ZFYVE9: variants seen among roughly 807,000 people sequenced by gnomAD.
ZFYVE9 encodes the protein zinc finger FYVE-type containing 9.
Under a neutral mutation model 126.7 loss-of-function variants are expected in ZFYVE9, and 43 were observed. That is an observed-to-expected ratio of 0.34 (90% CI 0.27 to 0.44). The LOEUF (loss-of-function observed/expected upper bound fraction) is 0.44. ZFYVE9 is among the 20% of genes least tolerant of loss of function. ZFYVE9 has a pLI of 1.00. For missense variants in ZFYVE9, 1,476 were observed against 1,697.0 expected, an observed-to-expected ratio of 0.87 and a Z score of 2.29; for synonymous variants, 521 against 597.4, an observed-to-expected ratio of 0.87 and a Z score of 1.87.
At chr1:52,303,434 G>A (rs1377629790) in intron 12 of ZFYVE9, among the ~76,000 whole-genome samples, 2 of 152,152 alleles carry the variant, frequency 1.3e-5, no homozygotes, top group South Asian at 2.1e-4. Context: ...TTCATTGAGT[G>A]CCTAAGATGT....
At chr1:52,186,250 A>C (rs971525694) in intron 1 of ZFYVE9, among the ~76,000 whole-genome samples, 2 of 149,474 alleles carry the variant, frequency 1.3e-5, no homozygotes, top group African/African-American at 2.4e-5. Context: ...AAAAAAAAAA[A>C]AACAAAACAA....
chr1:52,235,629 A>G (rs1052974255), intron 3 of ZFYVE9, among the ~76,000 whole-genome samples: 1 of 152,080 alleles, frequency 6.6e-6, no homozygotes, highest in Non-Finnish European at 1.5e-5. Flanking sequence ...ACAACTTTTC[A>G]CTACTTCTTT....
intron 1 of ZFYVE9, among the ~76,000 whole-genome samples, chr1:52,168,473 T>TC (rs1349865886): frequency 1.3e-5 from 2 of 151,602 alleles, no homozygotes; most frequent in African/African-American, 4.8e-5. Context: ...TGCCTTGGCC[T>TC]CCCAAAGTGC....
chr1:52,156,993 C>T (rs974729436), intron 1 of ZFYVE9, among the ~76,000 whole-genome samples: 56 of 152,036 alleles, frequency 3.7e-4, no homozygotes, highest in African/African-American at 1.2e-3. Flanking sequence ...CCACCTCGCC[C>T]GGCTAAATTT....
chr1:52,252,864 A>T, intron 4 of ZFYVE9: 1 of 223,764 alleles, frequency 4.5e-6, no homozygotes, highest in Non-Finnish European at 9.7e-6. Flanking sequence ...AGAGTGACAC[A>T]GGCACCGATG....
At chr1:52,208,627 G>A (rs146732976) in intron 1 of ZFYVE9, among the ~76,000 whole-genome samples, 4 of 151,722 alleles carry the variant, frequency 2.6e-5, no homozygotes, top group South Asian at 2.1e-4. Context: ...TCTGCCTCCC[G>A]AGTTCAGGTG....
At chr1:52,194,094 G>T (rs1051447458) in intron 1 of ZFYVE9, among the ~76,000 whole-genome samples, 1 of 152,094 alleles carries the variant, frequency 6.6e-6, no homozygotes, top group African/African-American at 2.4e-5. Context: ...GGGCGACAGA[G>T]CCAGACTCCA....
intron 1 of ZFYVE9, among the ~76,000 whole-genome samples, chr1:52,208,401 A>G (rs1644996194): frequency 6.6e-6 from 1 of 152,154 alleles, no homozygotes; most frequent in South Asian, 2.1e-4. Flanking sequence ...TCTTTCTTTA[A>G]AGGTAAAATA....
chr1:52,154,821 G>A (rs1282645710), intron 1 of ZFYVE9, among the ~76,000 whole-genome samples: 1 of 152,136 alleles, frequency 6.6e-6, no homozygotes, highest in African/African-American at 2.4e-5. Context: ...ACCCCTAAGT[G>A]TGGCTATAAT....
rs900346140 is a variant in ZFYVE9 at position 52,223,948 on chromosome 1, A to G, written c.-37+7474A>G. Among the ~76,000 whole-genome samples the G allele has an allele frequency of 2.5e-4, 38 of 152,304 alleles. 1 individual carries two copies. The highest frequency in any genetic ancestry group is 7.2e-5 in the African/African-American group (3 of 41,570). ...CTAGGATAGACATTAATTCAGCCCA[A>G]GTGTACAGTTGTGGCTCCAGAGACT... On this transcript the variant is annotated intron_variant, in intron 2 of 18. Transcript: ENST00000287727.
intron 12 of ZFYVE9, among the ~76,000 whole-genome samples, chr1:52,303,354 C>A (rs148521997): frequency 2.0e-4 from 30 of 152,280 alleles, no homozygotes; most frequent in African/African-American, 7.0e-4. Context: ...GTCCACCACT[C>A]TTGTTCATTT....
intron 2 of ZFYVE9, among the ~76,000 whole-genome samples, chr1:52,230,344 G>A (rs940139356): frequency 3.9e-5 from 6 of 152,060 alleles, no homozygotes; most frequent in African/African-American, 9.7e-5. Context: ...TCCTCCCAGT[G>A]TGCAGTGCGC....
chr1:52,188,131 G>A (rs957154652), intron 1 of ZFYVE9, among the ~76,000 whole-genome samples: 27 of 152,166 alleles, frequency 1.8e-4, no homozygotes, highest in African/African-American at 6.5e-4. Context: ...ATACTCCATG[G>A]AATACTATGG....
chr1:52,295,780 A>G lies in ZFYVE9; in HGVS notation c.3251-115A>G, dbSNP rs1461982997. On this transcript the variant is annotated intron_variant, in intron 11 of 18. Transcript: ENST00000287727. Reference sequence around the variant, plus strand: ...AAATACTTTTTGAGCCCAAAATTTGATATGTTCTAATGAGCCATTATAATT... The same window carrying G: ...AAATACTTTTTGAGCCCAAAATTTGGTATGTTCTAATGAGCCATTATAATT... 2.9e-5 allele frequency: 23 copies of G among 802,056 alleles called. No individual in the cohort carries two copies. The East Asian group carries it at 5.9e-4, about 20-fold the overall frequency. 49.7% of individuals were successfully genotyped at this position (802,056 alleles called of 1,614,324 possible). A position where few individuals can be genotyped will look rare whatever the true frequency, so the allele number is the denominator to read the frequency against.
chr1:52,238,185 C>A lies in ZFYVE9; in HGVS notation c.768C>A (p.Pro256=), dbSNP rs1645294479. The change falls in exon 4 of 19, where the codon CCC becomes CCA. Residue 256 remains proline, a synonymous_variant. Transcript: ENST00000287727. The part of the protein sequence containing the change: ...LKDDGSIGRD[P]SMSAITSLTV... ...ATGACGGAAGTATAGGTAGAGACCC[C>A]TCCATGTCTGCGATTACAAGTTTAA... 2 of 1,613,966 alleles carry A rather than the reference C, an allele frequency of 1.2e-6. No homozygotes were observed. Among genetic ancestry groups the A allele is most frequent in the Non-Finnish European group, 1.7e-6 (2 of 1,179,952 alleles).
chr1:52,160,310 A>G (rs947962405), intron 1 of ZFYVE9: 4 of 1,068,306 alleles, frequency 3.7e-6, no homozygotes, highest in East Asian at 2.4e-5. Context: ...CATCAGTTCA[A>G]AGGCTTTGTT....
chr1:52,236,017 C>T (rs1645270212), intron 3 of ZFYVE9, among the ~76,000 whole-genome samples: 1 of 152,104 alleles, frequency 6.6e-6, no homozygotes, highest in Admixed American at 6.5e-5. Context: ...CTTCTTTATA[C>T]AGTGAGTTGT....
chr1:52,307,077 C>T (rs983830320), intron 13 of ZFYVE9, among the ~76,000 whole-genome samples: 12 of 152,220 alleles, frequency 7.9e-5, no homozygotes, highest in African/African-American at 2.4e-4. Context: ...AAAAGCAACA[C>T]ACCAAGGATC....
intron 13 of ZFYVE9, among the ~76,000 whole-genome samples, chr1:52,319,648 TAAAA>T (rs1646219558): frequency 6.7e-6 from 1 of 149,532 alleles, no homozygotes; most frequent in African/African-American, 2.5e-5. Flanking sequence ...TAAAAACAAA[TAAAA>T]ATTGAGGTAC....
Sources: gnomAD v4.1 joint callset for allele counts (sites outside exome capture counted in the v4.1 genomes callset) on GRCh38, gnomAD v4.1.1 for gene constraint, MANE v1.5 for transcripts, NCBI Gene and HGNC (gene_info 2026-07-23, HGNC 2026-07-21) for gene names.